CALN1: variants seen among roughly 807,000 people sequenced by gnomAD.
CALN1 encodes the protein calcium-binding protein 8.
A neutral mutation model predicts 30.6 loss-of-function variants in CALN1; 17 were observed. The ratio of observed to expected loss-of-function variants is 0.56; its 90% confidence interval spans 0.38 to 0.83. The LOEUF (loss-of-function observed/expected upper bound fraction) is 0.83. CALN1 is among the 40% of genes least tolerant of loss of function. The pLI, the probability that CALN1 is intolerant of heterozygous loss-of-function variation, is 0.00. For synonymous variants in CALN1, 156 were observed against 131.4 expected (o/e 1.19, Z -1.28); for missense variants, 291 against 354.9 (o/e 0.82, Z 1.45).
At chr7:72,311,308 C>G (rs77200325) in intron 2 of CALN1, among the ~76,000 whole-genome samples, 2,308 of 152,164 alleles carry the variant, frequency 0.015, 21 homozygotes, top group Middle Eastern at 0.024. Context: ...ATCAAATACA[C>G]AAAATATGTG....
intron 2 of CALN1, among the ~76,000 whole-genome samples, chr7:72,285,134 T>C (rs545092000): frequency 7.9e-5 from 12 of 152,322 alleles, no homozygotes; most frequent in Admixed American, 2.6e-4. Context: ...AGCATTGAAA[T>C]AGCAATTTAG....
intron 5 of CALN1, among the ~76,000 whole-genome samples, chr7:71,926,961 G>A (rs1242748631): frequency 1.3e-5 from 2 of 152,068 alleles, no homozygotes; most frequent in African/African-American, 4.8e-5. Context: ...GAGTTCAAAC[G>A]TCTTTGTCAT....
At chr7:72,339,007 C>T (rs1778440402) in intron 2 of CALN1, among the ~76,000 whole-genome samples, 1 of 135,534 alleles carries the variant, frequency 7.4e-6, no homozygotes, top group Non-Finnish European at 1.6e-5. Flanking sequence ...CTGGTAGATT[C>T]TCTATGTCCA....
chr7:72,207,881 A>G (rs1054812149), intron 3 of CALN1, among the ~76,000 whole-genome samples: 5 of 152,278 alleles, frequency 3.3e-5, no homozygotes, highest in African/African-American at 1.2e-4. Context: ...TTTTAAGACA[A>G]AAAATCTATA....
intron 2 of CALN1, among the ~76,000 whole-genome samples, chr7:72,376,100 C>T (rs1804537257): frequency 6.6e-6 from 1 of 152,166 alleles, no homozygotes; most frequent in Non-Finnish European, 1.5e-5. Context: ...TAGTTAATAT[C>T]CACTTTATGG....
At chr7:72,208,549 G>GA (rs1468432820) in intron 3 of CALN1, among the ~76,000 whole-genome samples, 2 of 152,104 alleles carry the variant, frequency 1.3e-5, no homozygotes, top group Admixed American at 6.5e-5. Context: ...CATAGGCAGA[G>GA]AAAAAAAGAG....
intron 5 of CALN1, among the ~76,000 whole-genome samples, chr7:71,943,084 C>G (rs753260414): frequency 2.6e-5 from 4 of 152,122 alleles, no homozygotes; most frequent in African/African-American, 4.8e-5. Flanking sequence ...TGGATAAAAG[C>G]AAGCTATGCC....
chr7:72,152,725 A>G (rs1236447440), intron 3 of CALN1, among the ~76,000 whole-genome samples: 1 of 152,072 alleles, frequency 6.6e-6, no homozygotes, highest in Non-Finnish European at 1.5e-5. Context: ...GGCACCAGAG[A>G]GGATTAGAGT....
chr7:72,182,318 A>G (rs930166554), intron 3 of CALN1, among the ~76,000 whole-genome samples: 3 of 152,194 alleles, frequency 2.0e-5, no homozygotes, highest in Non-Finnish European at 2.9e-5. Flanking sequence ...CCAGACAACT[A>G]TAACACAGTG....
At chr7:71,968,130 A>T (rs1450893542) in intron 5 of CALN1, among the ~76,000 whole-genome samples, 1 of 152,218 alleles carries the variant, frequency 6.6e-6, no homozygotes, top group African/African-American at 2.4e-5. Context: ...ACTGGAAACA[A>T]GTCAAATGTC....
intron 1 of CALN1, among the ~76,000 whole-genome samples, chr7:72,446,456 A>G (rs1024714918): frequency 6.6e-6 from 1 of 151,356 alleles, no homozygotes; most frequent in African/African-American, 2.4e-5. Flanking sequence ...CTGAAATCAT[A>G]CAGCAAGCAT....
At chr7:72,359,122 A>G (rs751470755) in intron 2 of CALN1, among the ~76,000 whole-genome samples, 1 of 151,724 alleles carries the variant, frequency 6.6e-6, no homozygotes, top group Non-Finnish European at 1.5e-5. Flanking sequence ...ATTCCTCCCC[A>G]TTTTCTAGGA....
chr7:72,125,245 C>T (rs1808664247), intron 3 of CALN1, among the ~76,000 whole-genome samples: 1 of 152,180 alleles, frequency 6.6e-6, no homozygotes, highest in South Asian at 2.1e-4. Context: ...AAACTCCTGG[C>T]CTCAAGTGAT....
chr7:72,400,468 C>T (rs1806264800), intron 2 of CALN1, among the ~76,000 whole-genome samples: 1 of 152,186 alleles, frequency 6.6e-6, no homozygotes, highest in Non-Finnish European at 1.5e-5. Context: ...AAATTTTGAA[C>T]CGGCCATTGC....
intron 5 of CALN1, among the ~76,000 whole-genome samples, chr7:71,991,673 A>G (rs532055970): frequency 1.1e-4 from 17 of 152,358 alleles, no homozygotes; most frequent in Admixed American, 9.8e-4. Flanking sequence ...GTTCAAACTT[A>G]TTTTCTACAA....
intron 3 of CALN1, among the ~76,000 whole-genome samples, chr7:72,239,570 T>C: frequency 6.6e-6 from 1 of 152,186 alleles, no homozygotes; most frequent in East Asian, 1.9e-4. Context: ...TATTTAAATG[T>C]AAACAGCAAA....
chr7:72,205,553 T>TATAC, intron 3 of CALN1, among the ~76,000 whole-genome samples: 1 of 56,372 alleles, frequency 1.8e-5, no homozygotes, highest in South Asian at 7.2e-4. Flanking sequence ...AAAAAAAAAA[T>TATAC]ATATATATAT....
At chr7:72,242,433 G>GAGAACA (rs1794902192) in intron 3 of CALN1, among the ~76,000 whole-genome samples, 1 of 152,100 alleles carries the variant, frequency 6.6e-6, no homozygotes, top group African/African-American at 2.4e-5. Flanking sequence ...GGGAGTAAGA[G>GAGAACA]AGAACAACTC....
chr7:72,202,498 G>A (rs1388673891), intron 3 of CALN1, among the ~76,000 whole-genome samples: 1 of 152,140 alleles, frequency 6.6e-6, no homozygotes, highest in Non-Finnish European at 1.5e-5. Context: ...TTGAAATGCT[G>A]GAAAACTTTA....
Sources: gnomAD v4.1 joint callset for allele counts (sites outside exome capture counted in the v4.1 genomes callset) on GRCh38, gnomAD v4.1.1 for gene constraint, MANE v1.5 for transcripts, NCBI Gene and HGNC (gene_info 2026-07-23, HGNC 2026-07-21) for gene names.